The following ETV6 variants were observed in gnomAD, a reference collection of about 807,000 sequenced individuals.
ETV6 encodes the protein transcription factor ETV6.
In ETV6, 16 loss-of-function variants were observed where a neutral mutation model predicts 51.1. The ratio of observed to expected loss-of-function variants is 0.31; its 90% CI spans 0.21 to 0.48. The LOEUF (loss-of-function observed/expected upper bound fraction) is 0.48. Ranked by LOEUF, ETV6 falls within the 20% of genes least tolerant of loss-of-function variation. ETV6 has a pLI of 0.99. For missense variants in ETV6, 458 were observed against 594.8 expected (o/e 0.77, Z 2.39); for synonymous variants, 240 against 224.1 (o/e 1.07, Z -0.64).
chr12:11,879,838 T>C (rs1947058971), intron 5 of ETV6, among the ~76,000 whole-genome samples: 1 of 152,088 alleles, frequency 6.6e-6, no homozygotes, highest in African/African-American at 2.4e-5. Flanking sequence ...CTTTATTATA[T>C]AGTATTATGC....
intron 1 of ETV6, among the ~76,000 whole-genome samples, chr12:11,713,212 T>A (rs751712339): frequency 5.3e-5 from 8 of 152,324 alleles, no homozygotes; most frequent in Non-Finnish European, 8.8e-5. Context: ...ATAATTATAT[T>A]TATCCTCTAA....
chr12:11,690,957 G>A (rs1368538165), intron 1 of ETV6, among the ~76,000 whole-genome samples: 1 of 151,698 alleles, frequency 6.6e-6, no homozygotes, highest in East Asian at 1.9e-4. Context: ...AGTCACTTCA[G>A]GCTGCTATAA....
chr12:11,827,770 G>A (rs1362512628), intron 2 of ETV6, among the ~76,000 whole-genome samples: 2 of 152,180 alleles, frequency 1.3e-5, no homozygotes, highest in Non-Finnish European at 2.9e-5. Context: ...GTTTTACTCT[G>A]GTTACACTTT....
At chr12:11,738,202 CTCCT>C (rs765496311) in intron 1 of ETV6, among the ~76,000 whole-genome samples, 81 of 148,322 alleles carry the variant, frequency 5.5e-4, no homozygotes, top group Middle Eastern at 7.0e-3. Flanking sequence ...TGCTTGCTTT[CTCCT>C]TCCTTCCTTC....
intron 1 of ETV6, among the ~76,000 whole-genome samples, chr12:11,723,485 C>G (rs1865431440): frequency 6.6e-6 from 1 of 151,914 alleles, no homozygotes; most frequent in South Asian, 2.1e-4. Flanking sequence ...CAAAATTAAT[C>G]CATTCTAAAT....
chr12:11,806,805 G>A (rs1383240236), intron 2 of ETV6, among the ~76,000 whole-genome samples: 3 of 152,130 alleles, frequency 2.0e-5, no homozygotes, highest in Non-Finnish European at 4.4e-5. Flanking sequence ...TGGCACTTAC[G>A]TACATGGTAG....
rs1227760302 is a variant in ETV6, at chr12:11,892,163, G to A, written c.*1117G>A. ...TAGTGAGAAAGAAAAGCTCCTCTCT[G>A]CTCCATTCCAAAGGCCATCTTGTGG... is the stretch of plus-strand genomic sequence containing the variant. On this transcript the variant is annotated 3_prime_UTR_variant, in exon 8 of 8. Coordinates refer to ENST00000396373, the MANE Select transcript of ETV6 (RefSeq NM_001987.5). 5 of 231,182 alleles carry A rather than the reference G, an allele frequency of 2.2e-5. No individual in the cohort carries two copies. The highest frequency in any genetic ancestry group is 4.2e-5 in the Non-Finnish European group (5 of 117,846). The allele number at this position is 231,182 out of a possible 1,614,324, so 14.3% of individuals were successfully genotyped here.
rs1555127109 is a variant in ETV6 at position 11,773,209 on chromosome 12, A to AAG, written c.163+20631_163+20632insGA. Reference sequence around the variant, plus strand: ...CTCCATCTCAAAAAAAAAAAAAAAAAAAATGAAATCTTGATCTTATTGCCT... The same window carrying AAG: ...CTCCATCTCAAAAAAAAAAAAAAAAAAGAAATGAAATCTTGATCTTATTGCCT... On this transcript the variant is annotated intron_variant, in intron 2 of 7. Coordinates refer to ENST00000396373, the MANE Select transcript of ETV6 (RefSeq NM_001987.5). Among the ~76,000 whole-genome samples the AAG allele has an allele frequency of 1.6e-4, 22 of 135,560 alleles. 2 individuals are homozygous for AAG. Among genetic ancestry groups the AAG allele is most frequent in the South Asian group, 2.5e-4 (1 of 4,028 alleles). The allele number at this position is 135,560 out of a possible 152,430, so 88.9% of individuals were successfully genotyped here. A position where few individuals can be genotyped will look rare whatever the true frequency, so the allele number is the denominator to read the frequency against.
chr12:11,732,906 C>T (rs1865627844), intron 1 of ETV6, among the ~76,000 whole-genome samples: 1 of 152,192 alleles, frequency 6.6e-6, no homozygotes, highest in African/African-American at 2.4e-5. Flanking sequence ...CACAGTGTCA[C>T]TTTCATTCTT....
intron 4 of ETV6, among the ~76,000 whole-genome samples, chr12:11,856,452 G>A (rs559480160): frequency 6.5e-4 from 99 of 152,292 alleles, no homozygotes; most frequent in African/African-American, 2.1e-3. Flanking sequence ...ATGTCCGGGC[G>A]CATGTGCTCC....
intron 2 of ETV6, among the ~76,000 whole-genome samples, chr12:11,764,416 A>T (rs759525429): frequency 8.5e-5 from 13 of 152,230 alleles, no homozygotes; most frequent in Non-Finnish European, 1.6e-4. Context: ...AGACATTGCC[A>T]TCATCAGTCT....
intron 2 of ETV6, among the ~76,000 whole-genome samples, chr12:11,820,790 C>G (rs61921851): frequency 6.6e-6 from 1 of 152,018 alleles, no homozygotes; most frequent in South Asian, 2.1e-4. Flanking sequence ...AGATAGGAAG[C>G]CACTGGGGGA....
chr12:11,725,911 G>A (rs560874635), intron 1 of ETV6, among the ~76,000 whole-genome samples: 73 of 152,274 alleles, frequency 4.8e-4, no homozygotes, highest in Middle Eastern at 6.8e-3. Flanking sequence ...TTCCTGTAGC[G>A]CCTGTAGAAC....
chr12:11,802,770 A>G (rs1400458141), intron 2 of ETV6, among the ~76,000 whole-genome samples: 5 of 152,174 alleles, frequency 3.3e-5, no homozygotes, highest in Admixed American at 3.3e-4. Context: ...CATGCCTTGG[A>G]TTGAACTGAG....
At chr12:11,689,411 A>C (rs1243447265) in intron 1 of ETV6, among the ~76,000 whole-genome samples, 1 of 152,174 alleles carries the variant, frequency 6.6e-6, no homozygotes, top group Non-Finnish European at 1.5e-5. Context: ...GACAAAGCAC[A>C]GTACATTTGC....
rs1324220785 is a variant in ETV6 at position 11,892,076 on chromosome 12, C to T, written c.*1030C>T. 1 of 233,358 alleles carries T rather than the reference C, an allele frequency of 4.3e-6. No homozygotes were observed. The highest frequency in any genetic ancestry group is 8.5e-6 in the Non-Finnish European group (1 of 118,274). The allele number at this position is 233,358 out of a possible 1,614,324, so 14.5% of individuals were successfully genotyped here. ...AAAAGACCACACAGGCCCAGCAGTC[C>T]AGAAACTGGGCAAAAATATTCTGCA... On this transcript the variant is annotated 3_prime_UTR_variant, in exon 8 of 8. Transcript: ENST00000396373.
At chr12:11,701,124 C>T (rs756710821) in intron 1 of ETV6, among the ~76,000 whole-genome samples, 6 of 150,916 alleles carry the variant, frequency 4.0e-5, no homozygotes, top group Non-Finnish European at 5.9e-5. Context: ...CTTTAAAAAT[C>T]GTGGTAATAT....
chr12:11,766,137 C>T (rs1945158168), intron 2 of ETV6, among the ~76,000 whole-genome samples: 1 of 152,146 alleles, frequency 6.6e-6, no homozygotes, highest in African/African-American at 2.4e-5. Context: ...AACTGTTTAT[C>T]CACACATCCC....
intron 2 of ETV6, among the ~76,000 whole-genome samples, chr12:11,822,774 G>A (rs988707787): frequency 6.6e-6 from 1 of 152,200 alleles, no homozygotes; most frequent in Admixed American, 6.5e-5. Context: ...GTGATAGAAT[G>A]TTTGAGCTTT....
Sources: allele counts gnomAD v4.1 joint callset (sites outside exome capture counted in the v4.1 genomes callset), GRCh38; gene constraint gnomAD v4.1.1; transcripts MANE v1.5; gene names NCBI Gene and HGNC (gene_info 2026-07-23, HGNC 2026-07-21).